The following DUSP11 variants were observed in gnomAD, a reference collection of about 807,000 sequenced individuals.
DUSP11 encodes the protein dual specificity phosphatase 11, also known as RNA/RNP complex-1-interacting phosphatase.
DUSP11 carries 27 observed loss-of-function variants against 41.4 expected under a neutral mutation model. The ratio of observed to expected loss-of-function variants is 0.65; its 90% CI spans 0.48 to 0.90. The LOEUF is 0.90. Ranked by LOEUF, DUSP11 falls within the 40% of genes least tolerant of loss-of-function variation. DUSP11 has a pLI of 0.00. For synonymous variants in DUSP11, 188 were observed against 159.3 expected (o/e 1.18, Z -1.35); for missense variants, 465 against 461.1 (o/e 1.01, Z -0.08).
At chr2:73,771,449 T>G (rs1672570599) in intron 4 of DUSP11, among the ~76,000 whole-genome samples, 1 of 152,044 alleles carries the variant, frequency 6.6e-6, no homozygotes, top group African/African-American at 2.4e-5. Flanking sequence ...TCCTCTATAT[T>G]CTCACTGCAC....
chr2:73,773,632 T>C (rs188196180), intron 4 of DUSP11, 168 bp downstream of exon 4: 4 of 648,082 alleles, frequency 6.2e-6, no homozygotes, highest in Non-Finnish European at 1.0e-5. Context: ...AAATTATTTG[T>C]GATCAACAAA....
intron 1 of DUSP11, chr2:73,779,459 A>T: frequency 5.0e-6 from 1 of 201,586 alleles, no homozygotes; most frequent in South Asian, 9.0e-5. Context: ...GATTTCTGGA[A>T]ACAATACAAA....
chr2:73,778,766 T>G (rs1417941051), intron 1 of DUSP11, among the ~76,000 whole-genome samples: 1 of 152,212 alleles, frequency 6.6e-6, no homozygotes, highest in African/African-American at 2.4e-5. Flanking sequence ...ATACGACTGA[T>G]GCCATAAAGT....
intron 8 of DUSP11, among the ~76,000 whole-genome samples, chr2:73,764,445 A>G (rs1158249145): frequency 2.0e-5 from 3 of 152,180 alleles, no homozygotes; most frequent in African/African-American, 7.2e-5. Context: ...ATGGCAATGT[A>G]TTTTTGAAAG....
At chr2:73,771,525 G>C (rs955500130) in intron 4 of DUSP11, among the ~76,000 whole-genome samples, 2 of 151,080 alleles carry the variant, frequency 1.3e-5, no homozygotes, top group Non-Finnish European at 2.9e-5. Context: ...ATGGAGTCTC[G>C]CTCTGTCGCC....
chr2:73,775,036 T>C lies in DUSP11; in HGVS notation c.327A>G (p.Glu109=), dbSNP rs771339256. 2.5e-6 allele frequency: 4 copies of C among 1,610,026 alleles called. No individual in the cohort carries two copies. In the Admixed American group the frequency reaches 6.8e-5, roughly 27 times the overall value. The change falls in exon 3 of 9, where the codon GAA becomes GAG. Residue 109 remains glutamate, a synonymous_variant. Transcript: ENST00000272444. ...AGCATTCTTCTGGAGCAAGTTTCTT[T>C]TCAAAACTCTGTCACAGAGAATGAA...
At chr2:73,774,063 AAG>A (rs1370142963) in intron 3 of DUSP11, 140 bp from the exon 4 acceptor site, 1 of 625,204 alleles carries the variant, frequency 1.6e-6, no homozygotes, top group Non-Finnish European at 2.4e-6. Context: ...ATTCTGATAA[AAG>A]AGCCATTTTT....
rs368196762 is a variant in DUSP11, at chr2:73,762,658, G to C, written c.*3C>G. On this transcript the variant is annotated 3_prime_UTR_variant, in exon 9 of 9. Transcript: ENST00000272444. The stretch of plus-strand genomic sequence containing the variant: ...CCAGGTAGAATTCCAGGACAGGTTT[G>C]TATCACTGGGTCCATTCCCAACAGG... 151 of 1,608,876 alleles carry C rather than the reference G, an allele frequency of 9.4e-5. 1 individual carries two copies. The highest frequency in any genetic ancestry group is 2.9e-4 in the East Asian group (13 of 44,746).
At chr2:73,776,448 A>G (rs1383034019) in intron 2 of DUSP11, among the ~76,000 whole-genome samples, 1 of 151,100 alleles carries the variant, frequency 6.6e-6, no homozygotes, top group African/African-American at 2.4e-5. Context: ...TAGTTTTCAG[A>G]GCAGTTTTAG....
chr2:73,772,503 C>T (rs1049756152), intron 4 of DUSP11, among the ~76,000 whole-genome samples: 1 of 152,140 alleles, frequency 6.6e-6, no homozygotes, highest in Non-Finnish European at 1.5e-5. Context: ...ATCAGTATAA[C>T]GTGAACAACT....
At chr2:73,774,430 T>C (rs1672642433) in intron 3 of DUSP11, among the ~76,000 whole-genome samples, 2 of 152,206 alleles carry the variant, frequency 1.3e-5, no homozygotes, top group African/African-American at 4.8e-5. Context: ...CATCCACAAG[T>C]GTATAGTTCA....
rs200735058 is a variant in DUSP11 at position 73,762,748 on chromosome 2, G to A, written c.1047C>T (p.Ala349=). The A allele has an allele frequency of 8.7e-6, 14 of 1,613,820 alleles. No individual in the cohort carries two copies. The East Asian group carries it at 3.1e-4, about 36-fold the overall frequency. ...TTCTTCTATCCTGGGCTGCCCGACT[G>A]GCATTGGGCTTCACATTCCAAGAAT... The change falls in exon 9 of 9, where the codon GCC becomes GCT. Residue 349 remains alanine, a synonymous_variant. Coordinates refer to ENST00000272444, the Ensembl canonical transcript of DUSP11.
intron 8 of DUSP11, among the ~76,000 whole-genome samples, chr2:73,764,037 C>T (rs532637680): frequency 6.6e-6 from 1 of 152,210 alleles, no homozygotes; most frequent in Non-Finnish European, 1.5e-5. Context: ...AAAACATATA[C>T]TACTGTATCC....
At chr2:73,777,928 T>C (rs1398527888) in intron 2 of DUSP11, among the ~76,000 whole-genome samples, 2 of 152,100 alleles carry the variant, frequency 1.3e-5, no homozygotes, top group African/African-American at 4.8e-5. Context: ...TTACAGAAAC[T>C]CCTACCACTA....
intron 3 of DUSP11, 70 bp from the exon 4 acceptor site, chr2:73,773,993 G>C (rs944366722): frequency 1.6e-6 from 2 of 1,285,992 alleles, no homozygotes; most frequent in Admixed American, 4.7e-5. Context: ...GTAATTAGGG[G>C]ACCCAGAATA....
At chr2:73,768,727 C>T (rs1175187906) in intron 5 of DUSP11, 3 of 865,898 alleles carry the variant, frequency 3.5e-6, no homozygotes, top group Admixed American at 6.2e-5. Context: ...GAGGCCGAGG[C>T]GGGTGGATCA....
chr2:73,771,190 T>C (rs185684355), intron 4 of DUSP11, among the ~76,000 whole-genome samples: 1 of 152,254 alleles, frequency 6.6e-6, no homozygotes, highest in African/African-American at 2.4e-5. Context: ...GGCAAGGACT[T>C]TGTTCTATTT....
chr2:73,774,801 AC>A, intron 3 of DUSP11, 111 bp downstream of exon 3: 1 of 813,298 alleles, frequency 1.2e-6, no homozygotes. Context: ...TAAACTTACT[AC>A]CCATCAAAGA....
chr2:73,762,629 G>C (rs1340326002), exon 9 of DUSP11: 6 of 1,555,430 alleles, frequency 3.9e-6, no homozygotes, highest in Non-Finnish European at 5.3e-6. Flanking sequence ...GCCAGCTCTG[G>C]TCTCCAGGTA....
Sources: gnomAD v4.1 joint callset for allele counts (sites outside exome capture counted in the v4.1 genomes callset) on GRCh38, gnomAD v4.1.1 for gene constraint, MANE v1.5 for transcripts, NCBI Gene and HGNC (gene_info 2026-07-23, HGNC 2026-07-21) for gene names.